CRACD: variants seen among roughly 807,000 people sequenced by gnomAD.
CRACD encodes the protein capping protein inhibiting regulator of actin dynamics.
CRACD carries 56 observed loss-of-function variants against 106.8 expected under a neutral mutation model. The observed-to-expected ratio is 0.52, with a 90% CI of 0.42 to 0.66. The LOEUF (loss-of-function observed/expected upper bound fraction) is 0.66, where lower values mean the gene tolerates loss of function less well. Among genes scored for constraint, CRACD ranks in the 30% least tolerant of loss-of-function variants. CRACD has a pLI of 0.00. For synonymous variants in CRACD, 754 were observed against 670.8 expected (o/e 1.12, Z -1.92); for missense variants, 1,730 against 1,623.2 (o/e 1.07, Z -1.13).
intron 2 of CRACD, among the ~76,000 whole-genome samples, chr4:56,259,330 C>G (rs143068642): frequency 7.6e-4 from 116 of 152,148 alleles, no homozygotes; most frequent in Admixed American, 1.4e-3. Context: ...TGAGGGCACA[C>G]TTCAGGTTGT....
intron 2 of CRACD, among the ~76,000 whole-genome samples, chr4:56,267,563 A>G (rs957812194): frequency 6.6e-6 from 1 of 152,226 alleles, no homozygotes; most frequent in African/African-American, 2.4e-5. Flanking sequence ...GATAGCATCT[A>G]TGTTCTGAGT....
chr4:56,253,400 C>T (rs1209476274), intron 2 of CRACD, among the ~76,000 whole-genome samples: 1 of 152,138 alleles, frequency 6.6e-6, no homozygotes, highest in Non-Finnish European at 1.5e-5. Context: ...AGGAGGGACC[C>T]TCGATAGTTC....
chr4:56,285,921 C>G (rs1421187855), intron 3 of CRACD, among the ~76,000 whole-genome samples: 1 of 151,998 alleles, frequency 6.6e-6, no homozygotes, highest in Non-Finnish European at 1.5e-5. Flanking sequence ...AGAACTAATC[C>G]CTAAGAGGTA....
chr4:56,165,370 A>G (rs1736105810), intron 1 of CRACD, among the ~76,000 whole-genome samples: 1 of 152,202 alleles, frequency 6.6e-6, no homozygotes, highest in African/African-American at 2.4e-5. Flanking sequence ...TTAAGTGCTT[A>G]CTGTGTGCCA....
chr4:56,286,480 C>G (rs1305342811), intron 3 of CRACD, among the ~76,000 whole-genome samples: 1 of 136,002 alleles, frequency 7.4e-6, no homozygotes, highest in East Asian at 2.2e-4. Flanking sequence ...GAGCCGAGAT[C>G]GCGCCACTGC....
At chr4:56,300,943 A>G (rs1744333492) in intron 4 of CRACD, among the ~76,000 whole-genome samples, 1 of 152,250 alleles carries the variant, frequency 6.6e-6, no homozygotes, top group Admixed American at 6.5e-5. Context: ...CAATTGCATA[A>G]ACACAGGAAG....
At chr4:56,205,292 C>T (rs1738069773) in intron 2 of CRACD, among the ~76,000 whole-genome samples, 1 of 152,032 alleles carries the variant, frequency 6.6e-6, no homozygotes, top group Non-Finnish European at 1.5e-5. Flanking sequence ...CTTTAAAACC[C>T]TGTATATGTT....
At chr4:56,170,977 G>A (rs1257342850) in intron 1 of CRACD, among the ~76,000 whole-genome samples, 1 of 152,182 alleles carries the variant, frequency 6.6e-6, no homozygotes, top group Non-Finnish European at 1.5e-5. Context: ...TAAATAATAG[G>A]ATGCTGCAGC....
At chr4:56,267,837 A>T (rs1231090344) in intron 2 of CRACD, among the ~76,000 whole-genome samples, 1 of 152,214 alleles carries the variant, frequency 6.6e-6, no homozygotes, top group East Asian at 1.9e-4. Flanking sequence ...AAAGAATGAT[A>T]GGGTACCTTT....
chr4:56,107,002 G>T (rs1733967631), intron 1 of CRACD, among the ~76,000 whole-genome samples: 1 of 152,086 alleles, frequency 6.6e-6, no homozygotes, highest in Non-Finnish European at 1.5e-5. Context: ...ATGGGATCTT[G>T]CTCGGTCACC....
At position 56,135,025 on chromosome 4, in the gene CRACD, T is replaced by G. The variant is rs1734953515; in HGVS notation, c.-335-44259T>G. 3.3e-5 allele frequency among the ~76,000 whole-genome samples: 5 copies of G among 152,276 alleles called. No homozygotes were observed. The South Asian group carries it at 1.0e-3, about 32-fold the overall frequency. On this transcript the variant is annotated intron_variant, in intron 1 of 10. Transcript: ENST00000682029. The stretch of plus-strand genomic sequence containing the variant: ...TGGGCCGGGCGCGGTGACTCACGCC[T>G]GTAATCCCAGCTCTTTGGGAGCCCG...
rs561428133 is a variant in CRACD at position 56,181,411 on chromosome 4, T to C, written c.-189+1981T>C. Among the ~76,000 whole-genome samples the C allele has an allele frequency of 9.9e-5, 15 of 152,264 alleles. No individual in the cohort carries two copies. In the South Asian group the frequency reaches 1.9e-3, roughly 19 times the overall value. On this transcript the variant is annotated intron_variant, in intron 2 of 10. Transcript: ENST00000682029. ...TTGATCCACAGGAAATGATGACACT[T>C]CTTGGTTTAGATGCATAAGATAGGT...
chr4:56,302,529 C>A (rs936150223), intron 4 of CRACD, among the ~76,000 whole-genome samples: 1 of 152,176 alleles, frequency 6.6e-6, no homozygotes. Flanking sequence ...TTACAAATAC[C>A]AAAGTCATAC....
chr4:56,084,459 T>A (rs1326268856), intron 1 of CRACD, among the ~76,000 whole-genome samples: 1 of 152,234 alleles, frequency 6.6e-6, no homozygotes, highest in African/African-American at 2.4e-5. Context: ...TTCTAAAATC[T>A]ATTTTAATAT....
At chr4:56,208,817 T>A (rs573022179) in intron 2 of CRACD, among the ~76,000 whole-genome samples, 1 of 152,258 alleles carries the variant, frequency 6.6e-6, no homozygotes, top group Non-Finnish European at 1.5e-5. Flanking sequence ...TTGATCAAAA[T>A]AGGGTCACAG....
intron 1 of CRACD, among the ~76,000 whole-genome samples, chr4:56,112,238 C>T (rs1734144263): frequency 6.6e-6 from 1 of 152,136 alleles, no homozygotes; most frequent in South Asian, 2.1e-4. Context: ...GAAAGTGAGG[C>T]ATTTATAGCA....
At chr4:56,096,780 G>T (rs953628356) in intron 1 of CRACD, among the ~76,000 whole-genome samples, 1 of 152,216 alleles carries the variant, frequency 6.6e-6, no homozygotes, top group African/African-American at 2.4e-5. Context: ...AACAGTGGTG[G>T]TGACAGATGG....
At position 56,328,705 on chromosome 4, in the gene CRACD, G is replaced by T; in HGVS notation, c.*901G>T. The T allele has an allele frequency of 5.6e-6, 1 of 179,044 alleles. No individual in the cohort carries two copies. 11.1% of individuals were successfully genotyped at this position (179,044 alleles called of 1,614,324 possible). A position where few individuals can be genotyped will look rare whatever the true frequency, so the allele number is the denominator to read the frequency against. ...ATTCTGGCAAAAACTCTTCAGGTCA[G>T]TTCTGATAGATCCCAAAGGTTAAGA... On this transcript the variant is annotated 3_prime_UTR_variant, in exon 11 of 11. Coordinates refer to ENST00000682029, the MANE Select transcript of CRACD (RefSeq NM_001393381.1).
chr4:56,293,503 C>T (rs1255104659), intron 3 of CRACD, among the ~76,000 whole-genome samples: 1 of 152,132 alleles, frequency 6.6e-6, no homozygotes, highest in Non-Finnish European at 1.5e-5. Context: ...TGAAGAAATA[C>T]CTGAGACTGG....
Sources: allele counts gnomAD v4.1 joint callset (sites outside exome capture counted in the v4.1 genomes callset), GRCh38; gene constraint gnomAD v4.1.1; transcripts MANE v1.5; gene names NCBI Gene and HGNC (gene_info 2026-07-23, HGNC 2026-07-21).